Variants in ATP23 observed in about 807,000 individuals in gnomAD.
ATP23 encodes ATP23 metallopeptidase and ATP synthase assembly factor homolog.
A neutral mutation model predicts 28.5 loss-of-function variants in ATP23; 24 were observed. The ratio of observed to expected loss-of-function variants is 0.84; its 90% CI spans 0.61 to 1.18. The LOEUF (loss-of-function observed/expected upper bound fraction) is 1.18, where lower values mean the gene tolerates loss of function less well. Among genes scored for constraint, ATP23 ranks in the 50% most tolerant of loss-of-function variants. The pLI, the probability that ATP23 is intolerant of heterozygous loss-of-function variation, is 0.00. For missense variants in ATP23, 274 were observed against 306.4 expected (o/e 0.89, Z 0.79); for synonymous variants, 99 against 108.6 (o/e 0.91, Z 0.55).
intron 4 of ATP23, 79 bp from the exon 5 acceptor site, chr12:57,953,527 T>C: frequency 8.4e-7 from 1 of 1,187,120 alleles, no homozygotes; most frequent in Non-Finnish European, 1.2e-6. Flanking sequence ...TCTTTTCTAA[T>C]TTTTAAAAAT....
intron 1 of ATP23, among the ~76,000 whole-genome samples, chr12:57,943,917 T>A: frequency 6.6e-6 from 1 of 151,234 alleles, no homozygotes; most frequent in East Asian, 1.9e-4. Context: ...AGTGTCAACC[T>A]GCAGCTTTAA....
chr12:57,954,679 G>C (rs903911832), intron 5 of ATP23, among the ~76,000 whole-genome samples: 2 of 152,210 alleles, frequency 1.3e-5, no homozygotes. Flanking sequence ...AGGCTGGTCA[G>C]TCATTTTCTA....
Position 57,956,894 on chromosome 12 carries a change from C to T in ATP23, c.*4C>T. On this transcript the variant is annotated 3_prime_UTR_variant, in exon 6 of 6. Transcript: ENST00000300145. ...TCGGTATTATTCAAATATATGAGCA[C>T]AATGACATTTTTATATTACAGAGCT... 2 of 1,587,864 alleles carry T rather than the reference C, an allele frequency of 1.3e-6. No individual in the cohort carries two copies. Among genetic ancestry groups the T allele is most frequent in the Non-Finnish European group, 1.7e-6 (2 of 1,170,284 alleles).
chr12:57,944,965 G>T (rs1347504055), intron 1 of ATP23, among the ~76,000 whole-genome samples: 1 of 152,200 alleles, frequency 6.6e-6, no homozygotes, highest in African/African-American at 2.4e-5. Flanking sequence ...GGACAGAACA[G>T]TGTGGCTACT....
At chr12:57,943,435 T>G (rs983621992) in intron 1 of ATP23, among the ~76,000 whole-genome samples, 2 of 152,150 alleles carry the variant, frequency 1.3e-5, no homozygotes, top group African/African-American at 4.8e-5. Flanking sequence ...ATCTCAGCAC[T>G]TTGGGGAGCC....
At position 57,941,734 on chromosome 12, in the gene ATP23, C is replaced by T. The variant is rs1279293695; in HGVS notation, c.33C>T (p.Gly11=). The T allele has an allele frequency of 6.3e-7, 1 of 1,595,582 alleles. No homozygotes were observed. Among genetic ancestry groups the T allele is most frequent in the Non-Finnish European group, 8.5e-7 (1 of 1,172,638 alleles). Residue 11 remains glycine (G), a synonymous_variant, in exon 1 of 6, where the codon GGC becomes GGT. Transcript: ENST00000300145. ...GAGCTCCGGACGAGCGCCGGCGGGG[C>T]CCCGCGGCAGGGGAGCAGCTGCAGC... is the stretch of plus-strand genomic sequence containing the variant. MAGAPDERRR[G]PAAGEQLQQQ...
chr12:57,952,980 T>C (rs1425729655), intron 4 of ATP23, among the ~76,000 whole-genome samples: 3 of 152,258 alleles, frequency 2.0e-5, no homozygotes, highest in Admixed American at 6.5e-5. Context: ...CAGGCTGTCA[T>C]GCTCATAGCG....
Position 57,950,305 on chromosome 12 carries a change from G to A in ATP23, c.316-1453G>A, listed in dbSNP as rs150967845. Reference sequence around the variant, plus strand: ...GTATCTGTTGCCTACCACCCCCACCGCTGTGCTTCAACTCTAGGGCTCTCC... The same window carrying A: ...GTATCTGTTGCCTACCACCCCCACCACTGTGCTTCAACTCTAGGGCTCTCC... On this transcript the variant is annotated intron_variant, in intron 3 of 5. Transcript: ENST00000300145. Among the ~76,000 whole-genome samples the A allele has an allele frequency of 3.6e-4, 54 of 151,976 alleles. 1 individual carries two copies. The highest frequency in any genetic ancestry group is 6.8e-3 in the Middle Eastern group (2 of 294).
In ATP23 at chr12:57,956,988, A is replaced by G. The variant is rs1956875297; in HGVS notation, c.*98A>G. 1 of 991,176 alleles carries G rather than the reference A, an allele frequency of 1.0e-6. No individual in the cohort carries two copies. Among genetic ancestry groups the G allele is most frequent in the Non-Finnish European group, 1.4e-6 (1 of 706,860 alleles). 61.4% of individuals were successfully genotyped at this position (991,176 alleles called of 1,614,324 possible). A position where few individuals can be genotyped will look rare whatever the true frequency, so the allele number is the denominator to read the frequency against. On this transcript the variant is annotated 3_prime_UTR_variant, in exon 6 of 6. Coordinates refer to ENST00000300145, the MANE Select transcript of ATP23 (RefSeq NM_033276.4). ...AACATATAAAATGTAAACAATCCCTACAATCCAGATAAAACAGAGAAGACT... is the reference window on the plus strand; with the variant it reads ...AACATATAAAATGTAAACAATCCCTGCAATCCAGATAAAACAGAGAAGACT...
At chr12:57,955,279 TG>T (rs1409023956) in intron 5 of ATP23, among the ~76,000 whole-genome samples, 31 of 124,032 alleles carry the variant, frequency 2.5e-4, no homozygotes, top group African/African-American at 6.6e-4. Context: ...AAATAGAGCA[TG>T]TTTTTTTTTT....
intron 5 of ATP23, among the ~76,000 whole-genome samples, chr12:57,955,173 T>TAAA (rs551334477): frequency 6.9e-6 from 1 of 145,306 alleles, no homozygotes. Context: ...AAAAATTCCT[T>TAAA]AAAAAAAAAA....
intron 4 of ATP23, among the ~76,000 whole-genome samples, 193 bp downstream of exon 4, chr12:57,952,088 T>C (rs1956821788): frequency 6.6e-6 from 1 of 152,188 alleles, no homozygotes. Context: ...AGAATTCTCT[T>C]AACTATATCC....
chr12:57,944,311 A>C (rs1956738695), intron 1 of ATP23, among the ~76,000 whole-genome samples: 2 of 151,758 alleles, frequency 1.3e-5, no homozygotes, highest in Admixed American at 1.3e-4. Context: ...TGCCTTCAAC[A>C]TTTTTTTTAA....
rs763603491 is a variant in ATP23, at chr12:57,957,615, C to A, written c.*725C>A. Among the ~76,000 whole-genome samples, 2 of 152,154 alleles carry A rather than the reference C, an allele frequency of 1.3e-5. No individual in the cohort carries two copies. Among genetic ancestry groups the A allele is most frequent in the Non-Finnish European group, 2.9e-5 (2 of 68,024 alleles). Reference sequence around the variant, plus strand: ...AGACCCTCCTCTCCCACACACACCCCCCCACTGGAGAAACTGAAGGTCTGT... The same window carrying A: ...AGACCCTCCTCTCCCACACACACCCACCCACTGGAGAAACTGAAGGTCTGT... On this transcript the variant is annotated 3_prime_UTR_variant, in exon 6 of 6. Transcript: ENST00000300145.
intron 5 of ATP23, among the ~76,000 whole-genome samples, chr12:57,954,586 C>T (rs1056684169): frequency 6.6e-6 from 1 of 152,066 alleles, no homozygotes; most frequent in African/African-American, 2.4e-5. Context: ...ATTAGGTGGA[C>T]GTGGGGAAAG....
At chr12:57,954,126 T>G (rs984590697) in intron 5 of ATP23, among the ~76,000 whole-genome samples, 18 of 136,940 alleles carry the variant, frequency 1.3e-4, no homozygotes, top group African/African-American at 4.9e-4. Context: ...ATCTGGGAGA[T>G]GGAGGTTGCA....
At chr12:57,951,616 G>A in intron 3 of ATP23, 142 bp from the exon 4 acceptor site, 1 of 877,244 alleles carries the variant, frequency 1.1e-6, no homozygotes, top group Non-Finnish European at 1.8e-6. Flanking sequence ...GGGTAGATGT[G>A]TGGCCAATGA....
chr12:57,941,969 T>G, intron 1 of ATP23, 81 bp downstream of exon 1: 1 of 1,520,914 alleles, frequency 6.6e-7, no homozygotes. Context: ...GGGCAACACC[T>G]GGCCAGGGGC....
At chr12:57,953,970 G>A (rs192951098) in intron 5 of ATP23, among the ~76,000 whole-genome samples, 32 of 152,080 alleles carry the variant, frequency 2.1e-4, no homozygotes, top group Admixed American at 1.0e-3. Context: ...CGAGGCGGGC[G>A]GATCACGAGG....
Sources: gnomAD v4.1 joint callset for allele counts (sites outside exome capture counted in the v4.1 genomes callset) on GRCh38, gnomAD v4.1.1 for gene constraint, MANE v1.5 for transcripts, NCBI Gene and HGNC (gene_info 2026-07-23, HGNC 2026-07-21) for gene names.